The following SNTG2 variants were observed in gnomAD, a reference collection of about 807,000 sequenced individuals.
The protein encoded by SNTG2 is gamma-2-syntrophin.
SNTG2 carries 74 observed loss-of-function variants against 70.9 expected under a neutral mutation model. That is an observed-to-expected ratio of 1.04 (90% confidence interval 0.86 to 1.27). The LOEUF (loss-of-function observed/expected upper bound fraction) is 1.27, where lower values mean the gene tolerates loss of function less well. Among genes scored for constraint, SNTG2 ranks in the 50% most tolerant of loss-of-function variants. The pLI is 0.00. For synonymous variants in SNTG2, 278 were observed against 273.8 expected (o/e 1.02, Z -0.15); for missense variants, 717 against 690.7 (o/e 1.04, Z -0.43).
In SNTG2 at chr2:1,083,595, G is replaced by T; in HGVS notation, c.150G>T (p.Glu50Asp). ...AYDIRLKLTK[E>D]VLTIQKQDVV... ...ACATCCGGCTGAAGCTGACGAAAGA[G>T]GTGCTGACAATTCAGAAACAAGATG... Residue 50 changes from glutamate (E) to aspartate (D), a missense_variant, in exon 2 of 17, where the codon GAG becomes GAT. Transcript: ENST00000308624. 6.2e-7 allele frequency: 1 copy of T among 1,613,762 alleles called. No homozygotes were observed. The highest frequency in any genetic ancestry group is 8.5e-7 in the Non-Finnish European group (1 of 1,179,706).
intron 8 of SNTG2, among the ~76,000 whole-genome samples, chr2:1,194,803 G>A (rs1356242358): frequency 2.6e-5 from 4 of 152,054 alleles, no homozygotes; most frequent in African/African-American, 9.7e-5. Flanking sequence ...AGGTATACAC[G>A]TGCCATGGTG....
chr2:988,684 T>C (rs780994238), intron 1 of SNTG2, among the ~76,000 whole-genome samples: 35 of 152,008 alleles, frequency 2.3e-4, no homozygotes, highest in Admixed American at 1.4e-3. Flanking sequence ...CTCCCAGGAG[T>C]GTGCCTGCTG....
chr2:1,164,585 G>C (rs572203334), intron 6 of SNTG2, among the ~76,000 whole-genome samples: 1 of 148,982 alleles, frequency 6.7e-6, no homozygotes, highest in East Asian at 2.0e-4. Context: ...TGGCCTAGGA[G>C]GATGAAGTGA....
At chr2:993,298 C>A (rs563567519) in intron 1 of SNTG2, among the ~76,000 whole-genome samples, 59 of 141,426 alleles carry the variant, frequency 4.2e-4, no homozygotes, top group African/African-American at 1.5e-3. Context: ...ATTGTGGGTT[C>A]TTTTGCTTAG....
chr2:1,249,620 C>CT (rs1453514322), intron 12 of SNTG2, among the ~76,000 whole-genome samples: 1 of 152,108 alleles, frequency 6.6e-6, no homozygotes, highest in Non-Finnish European at 1.5e-5. Context: ...CTGACTTTGC[C>CT]TGAAAAAAGT....
Position 1,222,712 on chromosome 2 carries a change from G to T in SNTG2, c.719+13482G>T. Among the ~76,000 whole-genome samples the T allele has an allele frequency of 1.2e-4, 2 of 17,214 alleles. 1 individual carries two copies. Among genetic ancestry groups the T allele is most frequent in the Non-Finnish European group, 2.5e-4 (2 of 7,974 alleles). 11.3% of individuals were successfully genotyped at this position (17,214 alleles called of 152,430 possible). A position where few individuals can be genotyped will look rare whatever the true frequency, so the allele number is the denominator to read the frequency against. On this transcript the variant is annotated intron_variant, in intron 9 of 16. Transcript: ENST00000308624. ...TGTAGAGGAAAGTGGTGCAGTGATG[G>T]AGTGCGTCTCCCTGTCCTGCCTGCT...
intron 8 of SNTG2, among the ~76,000 whole-genome samples, chr2:1,201,820 A>G (rs964341560): frequency 2.0e-5 from 3 of 152,000 alleles, no homozygotes; most frequent in Non-Finnish European, 4.4e-5. Flanking sequence ...GGACACCTCC[A>G]GTGGTCTGAA....
chr2:1,105,764 G>C (rs542592317), intron 4 of SNTG2, among the ~76,000 whole-genome samples: 2 of 152,250 alleles, frequency 1.3e-5, no homozygotes, highest in East Asian at 3.9e-4. Context: ...CGAGGTGCAG[G>C]CTGGGCTTTC....
At position 1,069,026 on chromosome 2, in the gene SNTG2, A is replaced by G. The variant is rs543129204; in HGVS notation, c.73-14492A>G. 6.6e-5 allele frequency among the ~76,000 whole-genome samples: 10 copies of G among 152,354 alleles called. No homozygotes were observed. In the East Asian group the frequency reaches 1.5e-3, roughly 24 times the overall value. Reference sequence around the variant, plus strand: ...GCATTTGAAAGACGGAATTTGTAATAACATCTCTCAAACACGTGTCAGTGT... The same window carrying G: ...GCATTTGAAAGACGGAATTTGTAATGACATCTCTCAAACACGTGTCAGTGT... On this transcript the variant is annotated intron_variant, in intron 1 of 16. Coordinates refer to ENST00000308624, the MANE Select transcript of SNTG2 (RefSeq NM_018968.4).
intron 8 of SNTG2, among the ~76,000 whole-genome samples, chr2:1,191,194 C>G (rs931118773): frequency 1.3e-5 from 2 of 152,152 alleles, no homozygotes; most frequent in African/African-American, 4.8e-5. Context: ...CAATTTCTCC[C>G]TTATCATATC....
At chr2:1,164,096 T>C (rs1670532564) in intron 6 of SNTG2, among the ~76,000 whole-genome samples, 1 of 152,128 alleles carries the variant, frequency 6.6e-6, no homozygotes, top group Non-Finnish European at 1.5e-5. Flanking sequence ...GGCAGGAACC[T>C]ACCCAAACTG....
chr2:1,114,484 C>T (rs200154168), intron 4 of SNTG2, among the ~76,000 whole-genome samples: 2 of 151,364 alleles, frequency 1.3e-5, no homozygotes, highest in Admixed American at 1.3e-4. Flanking sequence ...TTAACCCTTA[C>T]AGTCCTTTGA....
At chr2:1,212,796 G>A (rs1382631868) in intron 9 of SNTG2, among the ~76,000 whole-genome samples, 1 of 152,170 alleles carries the variant, frequency 6.6e-6, no homozygotes, top group Non-Finnish European at 1.5e-5. Flanking sequence ...ACTTGGGTGT[G>A]TTGATCCCAG....
At chr2:1,165,110 T>C (rs926216672) in intron 6 of SNTG2, among the ~76,000 whole-genome samples, 1 of 152,248 alleles carries the variant, frequency 6.6e-6, no homozygotes, top group Non-Finnish European at 1.5e-5. Flanking sequence ...GCCACTAATT[T>C]CCTGAGAACT....
intron 16 of SNTG2, among the ~76,000 whole-genome samples, chr2:1,359,626 C>T (rs11677337): frequency 0.016 from 2,470 of 152,184 alleles, 62 homozygotes; most frequent in African/African-American, 0.055. Flanking sequence ...TTGTCTATTT[C>T]ACCACTCTAA....
intron 12 of SNTG2, among the ~76,000 whole-genome samples, chr2:1,248,422 T>C (rs537077442): frequency 1.3e-5 from 2 of 152,378 alleles, no homozygotes; most frequent in South Asian, 2.1e-4. Flanking sequence ...TCAGTTTTTC[T>C]ACTAATGCAC....
chr2:1,207,616 C>T (rs147846239), intron 8 of SNTG2, among the ~76,000 whole-genome samples: 97 of 151,864 alleles, frequency 6.4e-4, no homozygotes, highest in Middle Eastern at 3.4e-3. Context: ...TTAGCACAGA[C>T]GAAAAATAAA....
chr2:1,295,001 G>T (rs1034247341), intron 14 of SNTG2, among the ~76,000 whole-genome samples: 1 of 152,232 alleles, frequency 6.6e-6, no homozygotes, highest in African/African-American at 2.4e-5. Flanking sequence ...GACGCAGGCT[G>T]TCTCGTTCAC....
intron 6 of SNTG2, among the ~76,000 whole-genome samples, chr2:1,138,223 T>G (rs1668520605): frequency 6.6e-6 from 1 of 152,196 alleles, no homozygotes; most frequent in South Asian, 2.1e-4. Context: ...CTTTGCTCCC[T>G]GTTGGCTGGC....
Sources: allele counts gnomAD v4.1 joint callset (sites outside exome capture counted in the v4.1 genomes callset), GRCh38; gene constraint gnomAD v4.1.1; transcripts MANE v1.5; gene names NCBI Gene and HGNC (gene_info 2026-07-23, HGNC 2026-07-21).